The following WSCD2 variants were observed in gnomAD, a reference collection of about 807,000 sequenced individuals.
WSCD2 encodes the protein sialate:O-sulfotransferase 2.
WSCD2 carries 28 observed loss-of-function variants against 55.7 expected under a neutral mutation model. That is an observed-to-expected ratio of 0.50 (90% CI 0.37 to 0.69). The LOEUF is 0.69. Among genes scored for constraint, WSCD2 ranks in the 30% least tolerant of loss-of-function variants. WSCD2 has a pLI of 0.00. For synonymous variants in WSCD2, 301 were observed against 301.9 expected, an observed-to-expected ratio of 1.00 and a Z score of 0.03; for missense variants, 616 against 762.1, an observed-to-expected ratio of 0.81 and a Z score of 2.26.
intron 1 of WSCD2, among the ~76,000 whole-genome samples, chr12:108,131,340 G>A (rs1422434932): frequency 6.6e-6 from 1 of 152,176 alleles, no homozygotes; most frequent in Non-Finnish European, 1.5e-5. Flanking sequence ...GACACTCTAT[G>A]GCCCTGAGTG....
intron 3 of WSCD2, among the ~76,000 whole-genome samples, 184 bp from the exon 4 acceptor site, chr12:108,209,937 C>T (rs1270594462): frequency 6.6e-6 from 1 of 152,026 alleles, no homozygotes; most frequent in Non-Finnish European, 1.5e-5. Context: ...TCTCCTGTCC[C>T]CTGAGGTCTC....
intron 1 of WSCD2, among the ~76,000 whole-genome samples, chr12:108,164,139 C>CTTTTTTTTTT (rs1555224800): frequency 1.2e-5 from 1 of 85,306 alleles, no homozygotes; most frequent in Non-Finnish European, 2.2e-5. Flanking sequence ...ATCTTAAATC[C>CTTTTTTTTTT]TTTTTTTTTT....
intron 1 of WSCD2, among the ~76,000 whole-genome samples, chr12:108,156,718 T>C (rs2136927994): frequency 6.6e-6 from 1 of 152,368 alleles, no homozygotes; most frequent in Middle Eastern, 3.4e-3. Flanking sequence ...AAATTCGACT[T>C]GGAGTCTCTA....
intron 1 of WSCD2, among the ~76,000 whole-genome samples, chr12:108,132,958 G>A (rs1314257101): frequency 6.6e-6 from 1 of 152,180 alleles, no homozygotes. Context: ...GCATCTGTTT[G>A]TTCTGGTGTA....
At chr12:108,196,327 A>C in intron 2 of WSCD2, 113 bp downstream of exon 2, 12 of 1,394,430 alleles carry the variant, frequency 8.6e-6, no homozygotes, top group African/African-American at 1.5e-5. Flanking sequence ...CTGTCATATC[A>C]TTGTAGCTAT....
At chr12:108,165,974 C>T (rs1016490177) in intron 1 of WSCD2, among the ~76,000 whole-genome samples, 1 of 152,136 alleles carries the variant, frequency 6.6e-6, no homozygotes, top group Non-Finnish European at 1.5e-5. Flanking sequence ...TCTATTAGCA[C>T]CAAACTGAGA....
At chr12:108,241,565 G>A (rs1237895551) in intron 8 of WSCD2, among the ~76,000 whole-genome samples, 1 of 152,126 alleles carries the variant, frequency 6.6e-6, no homozygotes, top group Non-Finnish European at 1.5e-5. Context: ...GGATATAGGG[G>A]GTTGTTGTTC....
chr12:108,133,818 G>A (rs1020473881), intron 1 of WSCD2, among the ~76,000 whole-genome samples: 4 of 152,162 alleles, frequency 2.6e-5, no homozygotes, highest in African/African-American at 9.7e-5. Flanking sequence ...GACGGCTGCT[G>A]AACAAACTCG....
At chr12:108,222,862 T>C (rs1007453668) in intron 4 of WSCD2, among the ~76,000 whole-genome samples, 3 of 152,244 alleles carry the variant, frequency 2.0e-5, no homozygotes, top group African/African-American at 7.2e-5. Context: ...ACTTGATTGG[T>C]CAGAGTTCTC....
Position 108,234,290 on chromosome 12 carries a change from TAGAG to T in WSCD2, c.1144+1398_1144+1401del, listed in dbSNP as rs1456120106. 2.0e-5 allele frequency among the ~76,000 whole-genome samples: 3 copies of T among 152,128 alleles called. No individual in the cohort carries two copies. The East Asian group carries it at 5.8e-4, about 29-fold the overall frequency. ...CTAACCAGGCACAGCTTGGTGCTGA[TAGAG>T]AGTCATCCGCTAACCCTAGCTCAGG... On this transcript the variant is annotated intron_variant, in intron 7 of 8. Coordinates refer to ENST00000547525, the MANE Select transcript of WSCD2 (RefSeq NM_014653.4).
At chr12:108,167,000 C>T (rs1369207457) in intron 1 of WSCD2, among the ~76,000 whole-genome samples, 2 of 151,616 alleles carry the variant, frequency 1.3e-5, no homozygotes, top group African/African-American at 4.8e-5. Context: ...TTAGTAGAGG[C>T]AGGGTTTCAC....
intron 4 of WSCD2, among the ~76,000 whole-genome samples, chr12:108,223,363 TGTA>T (rs1887739789): frequency 6.6e-6 from 1 of 152,266 alleles, no homozygotes; most frequent in Admixed American, 6.5e-5. Context: ...TTTTATAACC[TGTA>T]GAATTTTACA....
intron 1 of WSCD2, among the ~76,000 whole-genome samples, chr12:108,181,046 C>T (rs780986393): frequency 2.6e-5 from 4 of 152,244 alleles, no homozygotes; most frequent in Non-Finnish European, 5.9e-5. Context: ...TAGTGGTCAT[C>T]TGATTGACCT....
At chr12:108,163,513 A>C (rs1406199295) in intron 1 of WSCD2, among the ~76,000 whole-genome samples, 1 of 152,240 alleles carries the variant, frequency 6.6e-6, no homozygotes, top group Non-Finnish European at 1.5e-5. Flanking sequence ...TGGTACCTTA[A>C]GCATGGTAAG....
intron 1 of WSCD2, among the ~76,000 whole-genome samples, chr12:108,166,761 T>TTTCTTTCTTTTCTTTC (rs10680980): frequency 1.3e-3 from 157 of 124,876 alleles, no homozygotes; most frequent in Non-Finnish European, 2.2e-3. Flanking sequence ...TCTTTCTTTC[T>TTTCTTTCTTTTCTTTC]TTTCTTTCTT....
chr12:108,154,115 G>A (rs1404528423), intron 1 of WSCD2, among the ~76,000 whole-genome samples: 1 of 152,226 alleles, frequency 6.6e-6, no homozygotes, highest in African/African-American at 2.4e-5. Context: ...TGTCCTCAGA[G>A]TGGGTAGATG....
At chr12:108,244,789 C>G (rs1397203742) in intron 8 of WSCD2, among the ~76,000 whole-genome samples, 1 of 152,148 alleles carries the variant, frequency 6.6e-6, no homozygotes, top group Non-Finnish European at 1.5e-5. Flanking sequence ...AGTCATGCTT[C>G]CCTGGTCCTG....
chr12:108,141,150 C>A (rs1269075122), intron 1 of WSCD2, among the ~76,000 whole-genome samples: 1 of 152,210 alleles, frequency 6.6e-6, no homozygotes, highest in Non-Finnish European at 1.5e-5. Context: ...AATTCCTGGG[C>A]TCAGGTGATC....
chr12:108,177,532 T>TA (rs1881050879), intron 1 of WSCD2, among the ~76,000 whole-genome samples: 1 of 152,200 alleles, frequency 6.6e-6, no homozygotes, highest in Non-Finnish European at 1.5e-5. Context: ...AAAATGAAGA[T>TA]AATTATAGTG....
Sources: gnomAD v4.1 joint callset for allele counts (sites outside exome capture counted in the v4.1 genomes callset) on GRCh38, gnomAD v4.1.1 for gene constraint, MANE v1.5 for transcripts, NCBI Gene and HGNC (gene_info 2026-07-23, HGNC 2026-07-21) for gene names.